The following EYA2 variants were observed in gnomAD, a reference collection of about 807,000 sequenced individuals.
EYA2 encodes EYA transcriptional coactivator and phosphatase 2, also known as protein phosphatase EYA2.
In EYA2, 31 loss-of-function variants were observed where a neutral mutation model predicts 69.2. The ratio of observed to expected loss-of-function variants is 0.45; its 90% CI spans 0.34 to 0.60. The LOEUF is 0.60. Among genes scored for constraint, EYA2 ranks in the 20% least tolerant of loss-of-function variants. EYA2 has a pLI of 0.02. For missense variants in EYA2, 622 were observed against 701.2 expected, an observed-to-expected ratio of 0.89 and a Z score of 1.28; for synonymous variants, 257 against 279.4, an observed-to-expected ratio of 0.92 and a Z score of 0.80.
intron 1 of EYA2, among the ~76,000 whole-genome samples, chr20:46,904,709 G>T (rs963978): frequency 0.24 from 37,007 of 152,054 alleles, 5,968 homozygotes; most frequent in Non-Finnish European, 0.35. Flanking sequence ...AAAGACGCAC[G>T]GCCCCTCCCA....
intron 12 of EYA2, among the ~76,000 whole-genome samples, chr20:47,174,963 C>T (rs181619926): frequency 8.3e-4 from 127 of 152,212 alleles, no homozygotes; most frequent in Non-Finnish European, 5.3e-4. Flanking sequence ...CAGCCCTGCA[C>T]GGAGGGAGGA....
Position 47,098,694 on chromosome 20 carries a change from C to T in EYA2, c.888+1526C>T, listed in dbSNP as rs184706946. Among the ~76,000 whole-genome samples the T allele has an allele frequency of 1.6e-4, 25 of 152,346 alleles. No homozygotes were observed. The East Asian group carries it at 4.6e-3, about 28-fold the overall frequency. ...CACCTCACCACCCAATTCCAGCCAC[C>T]TTCACCTCCAACTCGGCTTCCTATC... On this transcript the variant is annotated intron_variant, in intron 9 of 15. Transcript: ENST00000327619.
chr20:47,133,475 T>C (rs968146339), intron 9 of EYA2, among the ~76,000 whole-genome samples: 4 of 152,218 alleles, frequency 2.6e-5, no homozygotes, highest in African/African-American at 9.6e-5. Context: ...ATCTCCACAA[T>C]AGCATGCTGC....
At chr20:46,981,537 A>G (rs1263678913) in intron 1 of EYA2, among the ~76,000 whole-genome samples, 1 of 152,130 alleles carries the variant, frequency 6.6e-6, no homozygotes, top group Non-Finnish European at 1.5e-5. Context: ...TGCTATAGGT[A>G]TTTTAATTGC....
chr20:46,946,817 G>A (rs536569029), intron 1 of EYA2, among the ~76,000 whole-genome samples: 6 of 127,056 alleles, frequency 4.7e-5, no homozygotes, highest in Non-Finnish European at 8.0e-5. Context: ...TTTGTTCTAC[G>A]AACTCCCTTT....
chr20:46,960,397 A>G (rs1233157312), intron 1 of EYA2, among the ~76,000 whole-genome samples: 2 of 152,186 alleles, frequency 1.3e-5, no homozygotes, highest in Non-Finnish European at 2.9e-5. Context: ...TTACTGATGT[A>G]TTTACTGAGT....
At chr20:46,942,124 T>A (rs1986180203) in intron 1 of EYA2, among the ~76,000 whole-genome samples, 1 of 152,202 alleles carries the variant, frequency 6.6e-6, no homozygotes, top group South Asian at 2.1e-4. Context: ...ATTAGTAACA[T>A]GTTTTCTGTT....
intron 7 of EYA2, among the ~76,000 whole-genome samples, chr20:47,087,826 A>G (rs137963560): frequency 2.6e-5 from 4 of 152,358 alleles, no homozygotes; most frequent in East Asian, 3.9e-4. Context: ...ACTCCATTCA[A>G]GTCACCTCCT....
In EYA2 at chr20:47,104,924, G is replaced by C. The variant is rs190771576; in HGVS notation, c.888+7756G>C. ...TAATCCCAGCTACTTGGGAGGCTTA[G>C]GCATGAGAATTCCTTGAACCCGGGA... On this transcript the variant is annotated intron_variant, in intron 9 of 15. Transcript: ENST00000327619. 3.9e-5 allele frequency among the ~76,000 whole-genome samples: 6 copies of C among 152,308 alleles called. No homozygotes were observed. The South Asian group carries it at 1.0e-3, about 26-fold the overall frequency.
chr20:47,052,055 T>C (rs1020957129), intron 5 of EYA2, among the ~76,000 whole-genome samples: 3 of 152,170 alleles, frequency 2.0e-5, no homozygotes, highest in Non-Finnish European at 4.4e-5. Flanking sequence ...TACTCCTTTT[T>C]TTCCCCCCAG....
chr20:47,116,606 A>G (rs1268125270), intron 9 of EYA2, among the ~76,000 whole-genome samples: 1 of 152,028 alleles, frequency 6.6e-6, no homozygotes, highest in African/African-American at 2.4e-5. Context: ...GGCACCTGTG[A>G]CCCTCTGCAG....
At position 47,116,162 on chromosome 20, in the gene EYA2, T is replaced by C. The variant is rs1391749650; in HGVS notation, c.888+18994T>C. Among the ~76,000 whole-genome samples the C allele has an allele frequency of 2.1e-5, 3 of 144,112 alleles. No homozygotes were observed. The East Asian group carries it at 6.3e-4, about 30-fold the overall frequency. The allele number at this position is 144,112 out of a possible 152,430, so 94.5% of individuals were successfully genotyped here. On this transcript the variant is annotated intron_variant, in intron 9 of 15. Coordinates refer to ENST00000327619, the MANE Select transcript of EYA2 (RefSeq NM_005244.5). ...ATTATTTGATTATAGAATAACATCATCATCCTTCTTTTTTTTTTTTTTTTT... is the reference window on the plus strand; with the variant it reads ...ATTATTTGATTATAGAATAACATCACCATCCTTCTTTTTTTTTTTTTTTTT...
chr20:47,136,351 T>C (rs990136937), intron 9 of EYA2, among the ~76,000 whole-genome samples: 1 of 152,238 alleles, frequency 6.6e-6, no homozygotes, highest in Non-Finnish European at 1.5e-5. Context: ...AAGATTTTTG[T>C]ATACTCTTAT....
chr20:47,063,473 A>T (rs985747585), intron 5 of EYA2, among the ~76,000 whole-genome samples: 6 of 150,106 alleles, frequency 4.0e-5, no homozygotes, highest in Non-Finnish European at 8.8e-5. Context: ...GAGGCAGAGA[A>T]CCTAAGGCCA....
In EYA2 at chr20:46,924,543, G is replaced by A. The variant is rs567627692; in HGVS notation, c.-11+29556G>A. 5.1e-4 allele frequency among the ~76,000 whole-genome samples: 78 copies of A among 152,068 alleles called. 1 individual carries two copies. The highest frequency in any genetic ancestry group is 1.7e-3 in the African/African-American group (72 of 41,472). On this transcript the variant is annotated intron_variant, in intron 1 of 15. Coordinates refer to ENST00000327619, the MANE Select transcript of EYA2 (RefSeq NM_005244.5). ...AAATTAGCCAGGCGTGGTGGCGGGC[G>A]CCTGTAGTCCCAGCTACTCAGGAGG...
intron 9 of EYA2, among the ~76,000 whole-genome samples, chr20:47,127,108 T>C (rs1385451790): frequency 1.3e-5 from 2 of 149,020 alleles, no homozygotes; most frequent in African/African-American, 2.5e-5. Flanking sequence ...GAATCTCTTA[T>C]AAAAAAAAAA....
chr20:47,134,948 A>G (rs1293882069), intron 9 of EYA2, among the ~76,000 whole-genome samples: 1 of 152,046 alleles, frequency 6.6e-6, no homozygotes, highest in East Asian at 1.9e-4. Context: ...TAACGTGGTG[A>G]AACCCCGTCT....
chr20:46,910,039 A>G (rs1401719436), intron 1 of EYA2, among the ~76,000 whole-genome samples: 1 of 152,168 alleles, frequency 6.6e-6, no homozygotes, highest in Non-Finnish European at 1.5e-5. Flanking sequence ...TACTTATTTC[A>G]AGTAAGGATG....
intron 5 of EYA2, among the ~76,000 whole-genome samples, chr20:47,039,206 G>A (rs1448092877): frequency 6.6e-6 from 1 of 152,054 alleles, no homozygotes; most frequent in Non-Finnish European, 1.5e-5. Flanking sequence ...AAAACCCTCA[G>A]GCCAAATCTG....
Sources: gnomAD v4.1 joint callset for allele counts (sites outside exome capture counted in the v4.1 genomes callset) on GRCh38, gnomAD v4.1.1 for gene constraint, MANE v1.5 for transcripts, NCBI Gene and HGNC (gene_info 2026-07-23, HGNC 2026-07-21) for gene names.